ABTB2: variants seen among roughly 807,000 people sequenced by gnomAD.
ABTB2 encodes ankyrin repeat and BTB/POZ domain-containing protein 2.
Under a neutral mutation model 104.1 loss-of-function variants are expected in ABTB2, and 56 were observed. That is an observed-to-expected ratio of 0.54 (90% confidence interval 0.43 to 0.67). The LOEUF (loss-of-function observed/expected upper bound fraction) is 0.67, where lower values mean the gene tolerates loss of function less well. Among genes scored for constraint, ABTB2 ranks in the 30% least tolerant of loss-of-function variants. ABTB2 has a pLI of 0.00. For missense variants in ABTB2, 1,279 were observed against 1,407.7 expected, an observed-to-expected ratio of 0.91 and a Z score of 1.46; for synonymous variants, 606 against 608.2, an observed-to-expected ratio of 1.00 and a Z score of 0.05.
intron 1 of ABTB2, among the ~76,000 whole-genome samples, chr11:34,221,023 G>T (rs1424543672): frequency 6.6e-6 from 1 of 151,654 alleles, no homozygotes; most frequent in Non-Finnish European, 1.5e-5. Flanking sequence ...AGGCTGGAGT[G>T]GACTGGTGCG....
At chr11:34,296,959 A>T (rs1329962991) in intron 1 of ABTB2, among the ~76,000 whole-genome samples, 3 of 152,206 alleles carry the variant, frequency 2.0e-5, no homozygotes, top group Non-Finnish European at 4.4e-5. Flanking sequence ...CTGACCTGTG[A>T]CTTGCTCAAA....
intron 1 of ABTB2, among the ~76,000 whole-genome samples, chr11:34,205,780 G>A (rs10768051): frequency 0.25 from 38,176 of 152,076 alleles, 5,944 homozygotes; most frequent in East Asian, 0.59. Flanking sequence ...CAGCAGACAG[G>A]GCTTTGGAGC....
intron 1 of ABTB2, among the ~76,000 whole-genome samples, chr11:34,323,966 T>G (rs1469817833): frequency 7.6e-6 from 1 of 131,042 alleles, no homozygotes; most frequent in Non-Finnish European, 1.5e-5. Context: ...CAGGCTGGAG[T>G]GCCATGGTAT....
In ABTB2 at chr11:34,204,742, G is replaced by T. The variant is rs777904969; in HGVS notation, c.884-52C>A. 1.9e-6 allele frequency: 3 copies of T among 1,570,742 alleles called. No individual in the cohort carries two copies. In the East Asian group the frequency reaches 6.8e-5, roughly 35 times the overall value. ...ACACTTAGGAAGGAGTGGAAGTTCA[G>T]TGGGCCCCAGCCTGCTGCAGGCAGG... On this transcript the variant is annotated intron_variant, in intron 1 of 16. Transcript: ENST00000435224.
At chr11:34,226,794 G>A (rs1853693555) in intron 1 of ABTB2, among the ~76,000 whole-genome samples, 1 of 152,172 alleles carries the variant, frequency 6.6e-6, no homozygotes, top group Non-Finnish European at 1.5e-5. Context: ...GTATGGGTAT[G>A]GTAGCTCACA....
intron 1 of ABTB2, among the ~76,000 whole-genome samples, chr11:34,332,993 C>A (rs982166105): frequency 2.6e-5 from 4 of 152,086 alleles, no homozygotes; most frequent in Non-Finnish European, 5.9e-5. Context: ...TCAACAATGG[C>A]CATTCATAAA....
At chr11:34,216,343 C>T (rs1353468266) in intron 1 of ABTB2, among the ~76,000 whole-genome samples, 1 of 152,150 alleles carries the variant, frequency 6.6e-6, no homozygotes, top group Admixed American at 6.6e-5. Flanking sequence ...CCTGCCCAAC[C>T]CCTGGCAACC....
At position 34,279,667 on chromosome 11, in the gene ABTB2, G is replaced by C. The variant is rs535250903; in HGVS notation, c.884-74977C>G. ...GGATTCTACTCTCAAGAAGAAATCA[G>C]ATGTTAAGACAAAAGGCCCGACACA... On this transcript the variant is annotated intron_variant, in intron 1 of 16. Transcript: ENST00000435224. 6.7e-4 allele frequency among the ~76,000 whole-genome samples: 102 copies of C among 152,208 alleles called. 2 individuals carry two copies. In the South Asian group the frequency reaches 0.021, roughly 31 times the overall value.
At chr11:34,179,364 A>G (rs1227781481) in intron 3 of ABTB2, among the ~76,000 whole-genome samples, 1 of 152,156 alleles carries the variant, frequency 6.6e-6, no homozygotes, top group Admixed American at 6.5e-5. Flanking sequence ...AGTCCCTGGG[A>G]CCTCAGGGGT....
chr11:34,175,490 G>A (rs1852949296), intron 3 of ABTB2, among the ~76,000 whole-genome samples: 1 of 152,224 alleles, frequency 6.6e-6, no homozygotes, highest in Non-Finnish European at 1.5e-5. Context: ...GAATTGTTGT[G>A]TGGGTACTCG....
In ABTB2 at chr11:34,190,385, G is replaced by C. The variant is rs61692071; in HGVS notation, c.1244+6940C>G. ...ATCCAGGCAGACTTCAGAGCCTGAG[G>C]GCTGACCTCATGCACCATCATGCAC... is the stretch of plus-strand genomic sequence containing the variant. On this transcript the variant is annotated intron_variant, in intron 3 of 16. Transcript: ENST00000435224. Among the ~76,000 whole-genome samples the C allele has an allele frequency of 7.6e-3, 1,151 of 152,258 alleles. 17 individuals are homozygous for C. Among genetic ancestry groups the C allele is most frequent in the African/African-American group, 0.026 (1,072 of 41,520 alleles).
At chr11:34,254,165 A>G (rs1854091098) in intron 1 of ABTB2, among the ~76,000 whole-genome samples, 1 of 152,022 alleles carries the variant, frequency 6.6e-6, no homozygotes, top group Non-Finnish European at 1.5e-5. Flanking sequence ...AGGTATTATT[A>G]CCCCCATTTG....
intron 1 of ABTB2, among the ~76,000 whole-genome samples, chr11:34,325,955 TAAA>T (rs1448149376): frequency 4.7e-5 from 2 of 42,404 alleles, no homozygotes; most frequent in Non-Finnish European, 6.7e-5. Flanking sequence ...TCTCAAAAAA[TAAA>T]ATAAAATAAA....
At chr11:34,329,338 C>T (rs938338167) in intron 1 of ABTB2, among the ~76,000 whole-genome samples, 1 of 152,206 alleles carries the variant, frequency 6.6e-6, no homozygotes, top group Non-Finnish European at 1.5e-5. Context: ...TTCCACTCCA[C>T]TTCCTTCCAG....
chr11:34,286,370 G>A (rs1489515471), intron 1 of ABTB2, among the ~76,000 whole-genome samples: 1 of 152,056 alleles, frequency 6.6e-6, no homozygotes, highest in Non-Finnish European at 1.5e-5. Flanking sequence ...TCGGCTCACT[G>A]CGACCTCTGC....
chr11:34,213,928 C>A (rs1319884015), intron 1 of ABTB2, among the ~76,000 whole-genome samples: 1 of 152,050 alleles, frequency 6.6e-6, no homozygotes, highest in Non-Finnish European at 1.5e-5. Flanking sequence ...TTCTGGGTGG[C>A]CTCTCTCCAA....
chr11:34,335,080 T>A, intron 1 of ABTB2: 3 of 945,880 alleles, frequency 3.2e-6, no homozygotes, highest in Admixed American at 1.8e-5. Context: ...AAATATTACA[T>A]ACAAATAATA....
At chr11:34,254,316 C>A (rs1411161677) in intron 1 of ABTB2, among the ~76,000 whole-genome samples, 5 of 152,066 alleles carry the variant, frequency 3.3e-5, no homozygotes, top group African/African-American at 1.2e-4. Context: ...GGCATGATCA[C>A]AGCTCACTGC....
At chr11:34,227,462 T>C (rs1415120638) in intron 1 of ABTB2, among the ~76,000 whole-genome samples, 2 of 152,196 alleles carry the variant, frequency 1.3e-5, no homozygotes, top group Admixed American at 1.3e-4. Context: ...TGGCTTCTTT[T>C]ATGTGGCATA....
Sources: allele counts gnomAD v4.1 joint callset (sites outside exome capture counted in the v4.1 genomes callset), GRCh38; gene constraint gnomAD v4.1.1; transcripts MANE v1.5; gene names NCBI Gene and HGNC (gene_info 2026-07-23, HGNC 2026-07-21).